ACOXL: variants seen among roughly 807,000 people sequenced by gnomAD.
ACOXL encodes the protein acyl-coenzyme A oxidase-like protein.
In ACOXL, 70 loss-of-function variants were observed where a neutral mutation model predicts 71.9. The ratio of observed to expected loss-of-function variants is 0.97; its 90% CI spans 0.80 to 1.19. The LOEUF (loss-of-function observed/expected upper bound fraction) is 1.19. ACOXL is among the 50% of genes most tolerant of loss of function. The pLI is 0.00. For missense variants in ACOXL, 703 were observed against 736.3 expected, an observed-to-expected ratio of 0.95 and a Z score of 0.52; for synonymous variants, 253 against 281.6, an observed-to-expected ratio of 0.90 and a Z score of 1.02.
chr2:110,777,515 C>T (rs1030057510), intron 2 of ACOXL, among the ~76,000 whole-genome samples: 2 of 152,162 alleles, frequency 1.3e-5, no homozygotes, highest in African/African-American at 4.8e-5. Flanking sequence ...TGGCCCAACT[C>T]CACAGCTGTG....
intron 15 of ACOXL, among the ~76,000 whole-genome samples, chr2:111,034,556 A>G (rs767082760): frequency 1.2e-4 from 18 of 152,382 alleles, no homozygotes; most frequent in Non-Finnish European, 1.9e-4. Context: ...TCAATGTCAG[A>G]TAAAGAGGAC....
rs17041850 is a variant in ACOXL at position 111,092,938 on chromosome 2, C to G, written c.1514C>G (p.Pro505Arg). The change falls in exon 17 of 18, where the codon CCC becomes CGC. Residue 505 changes from proline to arginine, a missense_variant. Physicochemically the swap from Pro to Arg is moderately radical, Grantham distance 103. Transcript: ENST00000439055. ...TATTTAGAACATAAATACTTGACTC[C>G]CATGGCCAGCACGAGGATCAGGAAT... ...AWYLEHKYLTPMASTRIRNQL... is the reference protein window; with the variant it reads ...AWYLEHKYLTRMASTRIRNQL... The G allele has an allele frequency of 6.2e-7, 1 of 1,613,816 alleles. No homozygotes were observed. The highest frequency in any genetic ancestry group is 8.5e-7 in the Non-Finnish European group (1 of 1,179,922).
intron 3 of ACOXL, among the ~76,000 whole-genome samples, chr2:110,786,960 TA>T (rs1433960851): frequency 6.6e-6 from 1 of 152,052 alleles, no homozygotes; most frequent in Non-Finnish European, 1.5e-5. Flanking sequence ...GCTATGTTTT[TA>T]AAAAGAATCT....
At chr2:111,108,371 CT>C (rs1225889982) in intron 17 of ACOXL, among the ~76,000 whole-genome samples, 5,656 of 70,738 alleles carry the variant, frequency 0.08, 83 homozygotes, top group East Asian at 0.23. Flanking sequence ...GTGCATGAAT[CT>C]TTTTTTTTTT....
At chr2:110,929,939 A>G (rs895659639) in intron 11 of ACOXL, among the ~76,000 whole-genome samples, 4 of 152,238 alleles carry the variant, frequency 2.6e-5, no homozygotes, top group African/African-American at 9.6e-5. Context: ...ATGTCCAGGC[A>G]TAAGTTTGCT....
chr2:111,021,571 C>T (rs1197479955), intron 14 of ACOXL, among the ~76,000 whole-genome samples: 2 of 152,110 alleles, frequency 1.3e-5, no homozygotes, highest in African/African-American at 4.8e-5. Flanking sequence ...TCCTTGAGGA[C>T]CTGCCACACC....
At chr2:110,871,767 C>T (rs1018774367) in intron 10 of ACOXL, among the ~76,000 whole-genome samples, 14 of 152,108 alleles carry the variant, frequency 9.2e-5, no homozygotes, top group African/African-American at 3.4e-4. Flanking sequence ...GAGACGTCTC[C>T]CCTGACCTCA....
chr2:111,072,525 A>G (rs542897623), intron 16 of ACOXL, among the ~76,000 whole-genome samples: 19 of 152,306 alleles, frequency 1.2e-4, no homozygotes, highest in African/African-American at 3.4e-4. Flanking sequence ...GTTTTTGACA[A>G]TTGTGAGTAG....
At chr2:110,794,534 G>A (rs1440342395) in intron 5 of ACOXL, among the ~76,000 whole-genome samples, 1 of 152,298 alleles carries the variant, frequency 6.6e-6, no homozygotes, top group Non-Finnish European at 1.5e-5. Flanking sequence ...TGGAGGAGAC[G>A]CCTTTGTTGG....
intron 10 of ACOXL, among the ~76,000 whole-genome samples, chr2:110,857,671 C>T (rs1041257248): frequency 2.0e-5 from 3 of 152,162 alleles, no homozygotes. Context: ...CCTTTTATCT[C>T]TGGCTAGAGT....
At chr2:111,002,919 T>A (rs2063702354) in intron 14 of ACOXL, among the ~76,000 whole-genome samples, 1 of 152,216 alleles carries the variant, frequency 6.6e-6, no homozygotes, top group Admixed American at 6.5e-5. Flanking sequence ...CAGCATCATG[T>A]CAGTGCTGAA....
intron 12 of ACOXL, among the ~76,000 whole-genome samples, chr2:110,955,233 C>A (rs1463170877): frequency 6.6e-6 from 1 of 152,114 alleles, no homozygotes; most frequent in Non-Finnish European, 1.5e-5. Flanking sequence ...AGGCTGATAT[C>A]AATATCTGCT....
intron 10 of ACOXL, among the ~76,000 whole-genome samples, chr2:110,889,680 T>C (rs1697719288): frequency 6.6e-6 from 1 of 152,234 alleles, no homozygotes; most frequent in South Asian, 2.1e-4. Context: ...ATTTCATTTC[T>C]TTTTATATTC....
intron 2 of ACOXL, among the ~76,000 whole-genome samples, chr2:110,768,724 C>T (rs558033136): frequency 1.1e-3 from 164 of 152,206 alleles, no homozygotes; most frequent in Middle Eastern, 3.4e-3. Context: ...TCAAGTAGGC[C>T]GCCGCGCCTA....
At chr2:111,041,440 G>C (rs1055424688) in intron 15 of ACOXL, among the ~76,000 whole-genome samples, 6 of 152,208 alleles carry the variant, frequency 3.9e-5, no homozygotes, top group Admixed American at 3.9e-4. Flanking sequence ...TGGTGGTTGT[G>C]ATGGCCTCCA....
intron 3 of ACOXL, among the ~76,000 whole-genome samples, 192 bp from the exon 4 acceptor site, chr2:110,793,458 C>T (rs1684901205): frequency 6.6e-6 from 1 of 152,174 alleles, no homozygotes; most frequent in African/African-American, 2.4e-5. Flanking sequence ...GACTCATGAG[C>T]CATGTCTGCA....
At chr2:111,065,688 A>T (rs2067035070) in intron 16 of ACOXL, among the ~76,000 whole-genome samples, 1 of 152,246 alleles carries the variant, frequency 6.6e-6, no homozygotes, top group Admixed American at 6.5e-5. Context: ...AAATCCAGTT[A>T]GGAAAAGGGC....
chr2:110,910,073 A>G (rs1338353661), intron 11 of ACOXL, among the ~76,000 whole-genome samples: 2 of 152,160 alleles, frequency 1.3e-5, no homozygotes, highest in African/African-American at 2.4e-5. Context: ...CTCGTGTAAT[A>G]AACACTAAAA....
intron 9 of ACOXL, among the ~76,000 whole-genome samples, chr2:110,838,010 A>G (rs572322572): frequency 1.3e-5 from 2 of 152,136 alleles, no homozygotes; most frequent in African/African-American, 4.8e-5. Context: ...CAAAGGGGTC[A>G]ATTGTCTGAG....
Sources: gnomAD v4.1 joint callset for allele counts (sites outside exome capture counted in the v4.1 genomes callset) on GRCh38, gnomAD v4.1.1 for gene constraint, MANE v1.5 for transcripts, NCBI Gene and HGNC (gene_info 2026-07-23, HGNC 2026-07-21) for gene names.